LPAR3: variants seen among roughly 807,000 people sequenced by gnomAD.
LPAR3 encodes LPA receptor 3.
In LPAR3, 7 loss-of-function variants were observed where a neutral mutation model predicts 17.8. The ratio of observed to expected loss-of-function variants is 0.39; its 90% confidence interval spans 0.22 to 0.74. LPAR3 has a LOEUF of 0.74. Among genes scored for constraint, LPAR3 ranks in the 30% least tolerant of loss-of-function variants. The pLI is 0.40. For missense variants in LPAR3, 391 were observed against 453.4 expected (o/e 0.86, Z 1.25); for synonymous variants, 179 against 179.9 (o/e 0.99, Z 0.04).
At chr1:84,826,463 G>T (rs1020667348) in intron 2 of LPAR3, among the ~76,000 whole-genome samples, 6 of 151,636 alleles carry the variant, frequency 4.0e-5, no homozygotes, top group Admixed American at 1.3e-4. Context: ...AAATCTTTAA[G>T]TCTTTACATT....
chr1:84,892,043 C>T (rs1001353536), intron 1 of LPAR3, among the ~76,000 whole-genome samples: 4 of 151,986 alleles, frequency 2.6e-5, no homozygotes, highest in African/African-American at 7.2e-5. Context: ...GGAACCCCGT[C>T]TCTACTAAAA....
intron 2 of LPAR3, among the ~76,000 whole-genome samples, chr1:84,854,562 C>G (rs1394598002): frequency 6.6e-6 from 1 of 152,198 alleles, no homozygotes; most frequent in Non-Finnish European, 1.5e-5. Flanking sequence ...ACTCATAAAT[C>G]TTGGTCATTT....
intron 2 of LPAR3, among the ~76,000 whole-genome samples, chr1:84,853,704 T>C (rs1570884828): frequency 6.6e-6 from 1 of 152,108 alleles, no homozygotes; most frequent in Non-Finnish European, 1.5e-5. Flanking sequence ...CTACCTCCCA[T>C]CCCCAGATCC....
At chr1:84,841,295 G>A (rs1432794843) in intron 2 of LPAR3, among the ~76,000 whole-genome samples, 2 of 152,122 alleles carry the variant, frequency 1.3e-5, no homozygotes, top group East Asian at 1.9e-4. Flanking sequence ...AAGGACAACC[G>A]ACGGCCCCTT....
chr1:84,821,781 A>C lies in LPAR3; in HGVS notation c.737-7610T>G, dbSNP rs938813256. Among the ~76,000 whole-genome samples, 3 of 152,202 alleles carry C rather than the reference A, an allele frequency of 2.0e-5. No individual in the cohort carries two copies. The East Asian group carries it at 5.8e-4, about 29-fold the overall frequency. On this transcript the variant is annotated intron_variant, in intron 2 of 2. Transcript: ENST00000370611. The stretch of plus-strand genomic sequence containing the variant: ...TCAGAGAAGCTGTAAGGGGGAAGGA[A>C]ATGTGAGACCTGATGAATATTTGGA...
chr1:84,861,755 C>T (rs1348427743), intron 2 of LPAR3, among the ~76,000 whole-genome samples: 1 of 152,212 alleles, frequency 6.6e-6, no homozygotes, highest in Non-Finnish European at 1.5e-5. Flanking sequence ...TAAGGAACTT[C>T]TGAGGTCCTT....
chr1:84,818,970 T>A (rs1658996237), intron 2 of LPAR3, among the ~76,000 whole-genome samples: 1 of 152,246 alleles, frequency 6.6e-6, no homozygotes, highest in Non-Finnish European at 1.5e-5. Flanking sequence ...TTGAGATCTT[T>A]TATTTTTTCA....
At chr1:84,878,383 C>T (rs1040801235) in intron 1 of LPAR3, among the ~76,000 whole-genome samples, 2 of 152,140 alleles carry the variant, frequency 1.3e-5, no homozygotes, top group Non-Finnish European at 2.9e-5. Flanking sequence ...GAATTGCAGA[C>T]ACTTCCAGAC....
chr1:84,893,149 G>T lies in LPAR3; in HGVS notation c.-152C>A, dbSNP rs891092197. On this transcript the variant is annotated 5_prime_UTR_variant, in exon 1 of 3. Transcript: ENST00000370611. ...GCGCGGAGAAGCAGCGGAGGACGCG[G>T]CGGGCGGGCGGAGCGCCTCCTCTCC... 6.6e-6 allele frequency: 1 copy of T among 152,056 alleles called. No homozygotes were observed. The highest frequency in any genetic ancestry group is 2.4e-5 in the African/African-American group (1 of 41,442). 9.4% of individuals were successfully genotyped at this position (152,056 alleles called of 1,614,324 possible). A position where few individuals can be genotyped will look rare whatever the true frequency, so the allele number is the denominator to read the frequency against.
intron 1 of LPAR3, among the ~76,000 whole-genome samples, chr1:84,875,338 T>C (rs1557607466): frequency 6.6e-6 from 1 of 152,276 alleles, no homozygotes; most frequent in Non-Finnish European, 1.5e-5. Context: ...TGCTATGGTA[T>C]AATTATGCCC....
intron 1 of LPAR3, among the ~76,000 whole-genome samples, chr1:84,881,893 A>C (rs893162715): frequency 2.0e-5 from 3 of 152,166 alleles, no homozygotes; most frequent in Non-Finnish European, 1.5e-5. Flanking sequence ...ATGGTGAAAA[A>C]CTGAAAGCTT....
chr1:84,819,590 T>C (rs1256033552), intron 2 of LPAR3, among the ~76,000 whole-genome samples: 3 of 152,082 alleles, frequency 2.0e-5, no homozygotes, highest in Non-Finnish European at 4.4e-5. Flanking sequence ...CAAAAAGCCA[T>C]GGAAAAGAGA....
chr1:84,836,824 T>G (rs1346294514), intron 2 of LPAR3, among the ~76,000 whole-genome samples: 1 of 152,148 alleles, frequency 6.6e-6, no homozygotes, highest in Non-Finnish European at 1.5e-5. Flanking sequence ...ACTCTTATCC[T>G]GCAAATTAAA....
chr1:84,819,944 G>A (rs1659018484), intron 2 of LPAR3, among the ~76,000 whole-genome samples: 1 of 152,142 alleles, frequency 6.6e-6, no homozygotes, highest in South Asian at 2.1e-4. Flanking sequence ...ACGTGGCACT[G>A]GGCACATTAC....
Position 84,885,510 on chromosome 1 carries a change from T to C in LPAR3, c.-19+7506A>G, listed in dbSNP as rs543948641. 7.9e-5 allele frequency among the ~76,000 whole-genome samples: 12 copies of C among 152,370 alleles called. No individual in the cohort carries two copies. The East Asian group carries it at 2.3e-3, about 29-fold the overall frequency. ...TTAAAATATATACACTATTCCTCTT[T>C]GCTTTCCTTCCATTCCTATTTTCTT... On this transcript the variant is annotated intron_variant, in intron 1 of 2. Coordinates refer to ENST00000370611, the MANE Select transcript of LPAR3 (RefSeq NM_012152.3).
chr1:84,834,992 G>C (rs1428557079), intron 2 of LPAR3, among the ~76,000 whole-genome samples: 1 of 152,186 alleles, frequency 6.6e-6, no homozygotes, highest in Non-Finnish European at 1.5e-5. Flanking sequence ...CTTGGTCCTA[G>C]TTTTAACTTC....
Position 84,817,228 on chromosome 1 carries a change from G to C in LPAR3, c.737-3057C>G, listed in dbSNP as rs570204660. On this transcript the variant is annotated intron_variant, in intron 2 of 2. Transcript: ENST00000370611. ...TCTTCTGGATTTATGTAGATTGGTA[G>C]GCAACTAAGTGATAAATATTTTCCA... Among the ~76,000 whole-genome samples, 12 of 132,058 alleles carry C rather than the reference G, an allele frequency of 9.1e-5. No individual in the cohort carries two copies. In the East Asian group the frequency reaches 3.5e-3, roughly 38 times the overall value. 86.6% of individuals were successfully genotyped at this position (132,058 alleles called of 152,430 possible).
intron 2 of LPAR3, among the ~76,000 whole-genome samples, chr1:84,856,545 A>G (rs1228422027): frequency 6.6e-6 from 1 of 151,532 alleles, no homozygotes; most frequent in African/African-American, 2.4e-5. Context: ...AGGCACATGT[A>G]CTTTTTTTTT....
chr1:84,852,594 AT>A (rs1659740054), intron 2 of LPAR3, among the ~76,000 whole-genome samples: 1 of 152,124 alleles, frequency 6.6e-6, no homozygotes, highest in Admixed American at 6.5e-5. Flanking sequence ...AGAGATTGGG[AT>A]CTCCTGAAAG....
Sources: allele counts gnomAD v4.1 joint callset (sites outside exome capture counted in the v4.1 genomes callset), GRCh38; gene constraint gnomAD v4.1.1; transcripts MANE v1.5; gene names NCBI Gene and HGNC (gene_info 2026-07-23, HGNC 2026-07-21).